MUC17: variants seen among roughly 807,000 people sequenced by gnomAD.
The protein encoded by MUC17 is mucin 17, cell surface associated, also known as mucin-17.
In MUC17, 190 loss-of-function variants were observed where a neutral mutation model predicts 170.3. That is an observed-to-expected ratio of 1.12 (90% CI 0.99 to 1.26). MUC17 has a LOEUF of 1.26. Ranked by LOEUF, MUC17 falls within the 50% of genes most tolerant of loss-of-function variation. The pLI is 0.00. For synonymous variants in MUC17, 2,325 were observed against 2,002.5 expected (o/e 1.16, Z -4.30); for missense variants, 6,415 against 5,530.0 (o/e 1.16, Z -5.08).
chr7:101,029,877 G>A (rs1211874003), intron 1 of MUC17, among the ~76,000 whole-genome samples: 1 of 152,070 alleles, frequency 6.6e-6, no homozygotes, highest in Non-Finnish European at 1.5e-5. Flanking sequence ...GAGATTACAG[G>A]CGTGAACCAC....
Position 101,031,667 on chromosome 7 carries a change from GT to G in MUC17, c.253del (p.Cys85AlafsTer7), listed in dbSNP as rs1260812292. The G allele has an allele frequency of 1.3e-6, 2 of 1,583,790 alleles. No individual in the cohort carries two copies. Among genetic ancestry groups the G allele is most frequent in the Admixed American group, 3.6e-5 (2 of 55,718 alleles). On this transcript the variant is annotated frameshift_variant, in exon 3 of 13. Transcript: ENST00000306151. LOFTEE classifies it high-confidence loss of function. ...GTCGTGGAGCCAAGAATGTATTTGA[GT>G]TGCAGCACCAACCCTGAGATGACCT... is the stretch of plus-strand genomic sequence containing the variant. ...TNVVEPRMYL[S>X]CSTNPEMTSI... is the part of the protein sequence containing the mutation.
Position 101,038,159 on chromosome 7 carries a change from G to C in MUC17, c.6743G>C (p.Ser2248Thr), listed in dbSNP as rs1794551828. ...STLSATPVDT[S>T]TPVTTSTEAT... is the part of the protein sequence containing the mutation. ...CTTTCAGCAACTCCTGTTGACACCA[G>C]CACACCTGTGACCACTTCTACTGAA... Residue 2248 changes from serine (S) to threonine (T), a missense_variant, in exon 3 of 13, where the codon AGC becomes ACC. Coordinates refer to ENST00000306151, the MANE Select transcript of MUC17 (RefSeq NM_001040105.2). 1 of 1,613,596 alleles carries C rather than the reference G, an allele frequency of 6.2e-7. No homozygotes were observed. Among genetic ancestry groups the C allele is most frequent in the Non-Finnish European group, 8.5e-7 (1 of 1,179,868 alleles).
chr7:101,026,640 G>A (rs760620275), intron 1 of MUC17, among the ~76,000 whole-genome samples: 8 of 152,098 alleles, frequency 5.3e-5, no homozygotes, highest in Non-Finnish European at 7.4e-5. Flanking sequence ...GCTGGAGTGC[G>A]GTGGTGCCAT....
intron 1 of MUC17, among the ~76,000 whole-genome samples, chr7:101,022,085 C>A (rs1794101121): frequency 6.6e-6 from 1 of 152,156 alleles, no homozygotes; most frequent in Non-Finnish European, 1.5e-5. Context: ...TCCCTTTGCC[C>A]TCCCCCCATC....
chr7:101,047,936 G>A (rs1337774491), intron 3 of MUC17, 48 bp from the exon 4 acceptor site: 8 of 1,528,112 alleles, frequency 5.2e-6, no homozygotes, highest in Non-Finnish European at 7.0e-6. Context: ...CCAGTGAGGT[G>A]CCTCAATGGA....
chr7:101,035,518 G>A lies in MUC17; in HGVS notation c.4102G>A (p.Val1368Met). 6.3e-7 allele frequency: 1 copy of A among 1,596,670 alleles called. No individual in the cohort carries two copies. Among genetic ancestry groups the A allele is most frequent in the Non-Finnish European group, 8.6e-7 (1 of 1,169,372 alleles). The change falls in exon 3 of 13, where the codon GTG becomes ATG. Residue 1368 changes from valine to methionine, a missense_variant. Val to Met is a conservative substitution (Grantham distance 21, BLOSUM62 1). Coordinates refer to ENST00000306151, the MANE Select transcript of MUC17 (RefSeq NM_001040105.2). ...AACTCCTGTTGACAACAGCACACCTGTGACCACTTCTACTGAAGCCTGTTC... is the reference window on the plus strand; with the variant it reads ...AACTCCTGTTGACAACAGCACACCTATGACCACTTCTACTGAAGCCTGTTC... ...STTPVDNSTP[V>M]TTSTEACSSP...
At position 101,033,835 on chromosome 7, in the gene MUC17, T is replaced by C. The variant is rs71273407; in HGVS notation, c.2419T>C (p.Leu807=). The change falls in exon 3 of 13, where the codon TTA becomes CTA. Residue 807 remains leucine (L), a synonymous_variant. Transcript: ENST00000306151. The part of the protein sequence containing the change: ...PISTPSEGSP[L]LTSIPVSITP... Reference sequence around the variant, plus strand: ...CTCAACTCCTAGTGAAGGAAGTCCTTTATTAACAAGTATACCTGTCAGCAT... The same window carrying C: ...CTCAACTCCTAGTGAAGGAAGTCCTCTATTAACAAGTATACCTGTCAGCAT... 20 of 1,596,026 alleles carry C rather than the reference T, an allele frequency of 1.3e-5. No individual in the cohort carries two copies. The South Asian group carries it at 1.6e-4, about 12-fold the overall frequency.
chr7:101,041,768 C>A lies in MUC17; in HGVS notation c.10352C>A (p.Ser3451Ter), dbSNP rs200148376. The A allele has an allele frequency of 1.9e-6, 3 of 1,613,812 alleles. No individual in the cohort carries two copies. The highest frequency in any genetic ancestry group is 1.3e-5 in the African/African-American group (1 of 74,802). ...GCTGAAGGTACCAGCTTGCCAACCTCAACTACTAGTGAAGGAAGCACTCCA... is the reference window on the plus strand; with the variant it reads ...GCTGAAGGTACCAGCTTGCCAACCTAAACTACTAGTGAAGGAAGCACTCCA... ...TIAEGTSLPT[S>*]TTSEGSTPLS... Residue 3451 changes from serine to a stop codon, truncating the protein, a stop_gained, in exon 3 of 13, where the codon TCA (serine) becomes TAA (stop). Coordinates refer to ENST00000306151, the MANE Select transcript of MUC17 (RefSeq NM_001040105.2). LOFTEE classifies it high-confidence loss of function.
intron 3 of MUC17, among the ~76,000 whole-genome samples, chr7:101,045,938 C>T (rs1413202913): frequency 6.6e-6 from 1 of 152,178 alleles, no homozygotes; most frequent in African/African-American, 2.4e-5. Context: ...CCTCTTCTTC[C>T]CCAGAGATTG....
chr7:101,027,500 G>GT (rs1794202885), intron 1 of MUC17, among the ~76,000 whole-genome samples: 1 of 152,132 alleles, frequency 6.6e-6, no homozygotes, highest in Non-Finnish European at 1.5e-5. Flanking sequence ...TTTCATCTAA[G>GT]TTGTCAAATT....
Position 101,048,045 on chromosome 7 carries a change from G to A in MUC17, c.12465G>A (p.Gly4155=). 1 of 1,608,370 alleles carries A rather than the reference G, an allele frequency of 6.2e-7. No homozygotes were observed. The highest frequency in any genetic ancestry group is 8.5e-7 in the Non-Finnish European group (1 of 1,177,642). The change falls in exon 4 of 13, where the codon GGG becomes GGA. Residue 4155 remains glycine, a synonymous_variant. Coordinates refer to ENST00000306151, the MANE Select transcript of MUC17 (RefSeq NM_001040105.2). ...GCAAGAATGGAGGCACCTGGGATGG[G>A]CTCAAGTGCCAGTGTCCCAACCTCT... ...SRCKNGGTWD[G]LKCQCPNLYY... is the part of the protein sequence containing the mutation.
In MUC17 at chr7:101,035,506, A is replaced by G; in HGVS notation, c.4090A>G (p.Asn1364Asp). The G allele has an allele frequency of 1.9e-6, 3 of 1,596,524 alleles. No individual in the cohort carries two copies. The highest frequency in any genetic ancestry group is 2.6e-6 in the Non-Finnish European group (3 of 1,169,354). Residue 1364 changes from asparagine to aspartate, a missense_variant, in exon 3 of 13, where the codon AAC becomes GAC. Physicochemically the swap from Asn to Asp is conservative, Grantham distance 23. Coordinates refer to ENST00000306151, the MANE Select transcript of MUC17 (RefSeq NM_001040105.2). Reference sequence around the variant, plus strand: ...CATCCTTTCAACAACTCCTGTTGACAACAGCACACCTGTGACCACTTCTAC... The same window carrying G: ...CATCCTTTCAACAACTCCTGTTGACGACAGCACACCTGTGACCACTTCTAC... ...ISILSTTPVD[N>D]STPVTTSTEA...
chr7:101,038,372 C>G lies in MUC17; in HGVS notation c.6956C>G (p.Pro2319Arg). ...ACTACTTCTACTGAAGCCAGTTCAC[C>G]TCCTCCCACTGCTGAAGGTACCAGC... ...PFTTSTEASS[P>R]PPTAEGTSMP... Residue 2319 changes from proline to arginine, a missense_variant, in exon 3 of 13, where the codon CCT becomes CGT. Pro to Arg is a moderately radical substitution (Grantham distance 103). Transcript: ENST00000306151. 1 of 1,613,994 alleles carries G rather than the reference C, an allele frequency of 6.2e-7. No individual in the cohort carries two copies. Among genetic ancestry groups the G allele is most frequent in the East Asian group, 2.2e-5 (1 of 44,854 alleles).
chr7:101,020,330 C>T (rs898456006), intron 1 of MUC17, 113 bp downstream of exon 1: 2 of 788,492 alleles, frequency 2.5e-6, no homozygotes, highest in Non-Finnish European at 3.8e-6. Flanking sequence ...AGGGGTGTGC[C>T]CTCTGCCTGG....
rs776393672 is a variant in MUC17 at position 101,035,210 on chromosome 7, G to A, written c.3794G>A (p.Gly1265Asp). 1.9e-6 allele frequency: 3 copies of A among 1,608,822 alleles called. No homozygotes were observed. The highest frequency in any genetic ancestry group is 1.1e-5 in the South Asian group (1 of 90,550). ...AGTTCCTCTCCTACAACCGCTGAAG[G>A]TACCAGCTTGCCAACCTCAACTACT... ...ETSSSPTTAE[G>D]TSLPTSTTSE... Residue 1265 changes from glycine (G) to aspartate (D), a missense_variant, in exon 3 of 13, where the codon GGT becomes GAT. Coordinates refer to ENST00000306151, the MANE Select transcript of MUC17 (RefSeq NM_001040105.2).
intron 8 of MUC17, 32 bp downstream of exon 8, chr7:101,051,713 G>C (rs201430205): frequency 1.9e-5 from 30 of 1,608,526 alleles, no homozygotes; most frequent in Middle Eastern, 3.3e-4. Flanking sequence ...TTGGGGGAAG[G>C]CTGGAGAGGT....
Position 101,043,437 on chromosome 7 carries a change from G to A in MUC17, c.12021G>A (p.Met4007Ile). ...TTAAPLTYVT[M>I]STAPSTPRTT... ...CAGCTCCCCTCACATATGTGACCAT[G>A]TCTACTGCCCCCAGCACACCCAGAA... The change falls in exon 3 of 13, where the codon ATG becomes ATA. Residue 4007 changes from methionine (M) to isoleucine (I), a missense_variant. By Grantham distance (10) the Met-to-Ile change is conservative (BLOSUM62 1). Coordinates refer to ENST00000306151, the MANE Select transcript of MUC17 (RefSeq NM_001040105.2). 3.1e-6 allele frequency: 5 copies of A among 1,614,082 alleles called. No individual in the cohort carries two copies. The highest frequency in any genetic ancestry group is 4.2e-6 in the Non-Finnish European group (5 of 1,180,026).
At chr7:101,030,812 T>C (rs1794265038) in intron 1 of MUC17, among the ~76,000 whole-genome samples, 1 of 152,152 alleles carries the variant, frequency 6.6e-6, no homozygotes, top group Non-Finnish European at 1.5e-5. Context: ...CATAGCTCAC[T>C]GTAGCCTTGA....
intron 11 of MUC17, 196 bp downstream of exon 11, chr7:101,053,632 A>C: frequency 2.1e-6 from 1 of 479,752 alleles, no homozygotes; most frequent in South Asian, 3.5e-5. Context: ...ATAAAAATAA[A>C]AAAGGGAGGC....
Sources: allele counts gnomAD v4.1 joint callset (sites outside exome capture counted in the v4.1 genomes callset), GRCh38; gene constraint gnomAD v4.1.1; transcripts MANE v1.5; gene names NCBI Gene and HGNC (gene_info 2026-07-23, HGNC 2026-07-21).